The following MAGI2 variants were observed in gnomAD, a reference collection of about 807,000 sequenced individuals.
MAGI2 encodes membrane associated guanylate kinase, WW and PDZ domain containing 2.
A neutral mutation model predicts 133.3 loss-of-function variants in MAGI2; 35 were observed. The ratio of observed to expected loss-of-function variants is 0.26; its 90% CI spans 0.20 to 0.35. The LOEUF (loss-of-function observed/expected upper bound fraction) is 0.35. Among genes scored for constraint, MAGI2 ranks in the 10% least tolerant of loss-of-function variants. MAGI2 has a pLI of 1.00. For synonymous variants in MAGI2, 729 were observed against 710.6 expected (o/e 1.03, Z -0.41); for missense variants, 1,636 against 1,863.4 (o/e 0.88, Z 2.25).
chr7:79,293,436 T>C (rs373105992), intron 1 of MAGI2, among the ~76,000 whole-genome samples: 1 of 152,214 alleles, frequency 6.6e-6, no homozygotes, highest in South Asian at 2.1e-4. Context: ...TCTTGAACAA[T>C]GCTTCACACA....
In MAGI2 at chr7:78,146,494, C is replaced by T. The variant is rs114941221; in HGVS notation, c.2846-11288G>A. Among the ~76,000 whole-genome samples, 718 of 152,188 alleles carry T rather than the reference C, an allele frequency of 4.7e-3. 7 individuals carry two copies. The highest frequency in any genetic ancestry group is 0.016 in the African/African-American group (660 of 41,538). ...AAAAATTAAAGTTTTATGTACCCAACGTTTAAAAGCCCTGTTGTCACTTGT... is the reference window on the plus strand; with the variant it reads ...AAAAATTAAAGTTTTATGTACCCAATGTTTAAAAGCCCTGTTGTCACTTGT... On this transcript the variant is annotated intron_variant, in intron 16 of 21. Coordinates refer to ENST00000354212, the MANE Select transcript of MAGI2 (RefSeq NM_012301.4).
chr7:78,428,150 C>T (rs538560204), intron 6 of MAGI2, among the ~76,000 whole-genome samples: 6 of 152,100 alleles, frequency 3.9e-5, no homozygotes, highest in Admixed American at 2.6e-4. Context: ...GTACTTCAGG[C>T]GAGGACAGAA....
intron 2 of MAGI2, among the ~76,000 whole-genome samples, chr7:78,830,307 C>A (rs73369465): frequency 0.064 from 9,749 of 152,160 alleles, 473 homozygotes; most frequent in African/African-American, 0.14. Context: ...ATGTCTCTTA[C>A]TCATGACCAC....
intron 1 of MAGI2, among the ~76,000 whole-genome samples, chr7:79,175,688 A>C (rs983914288): frequency 6.6e-6 from 1 of 152,066 alleles, no homozygotes; most frequent in African/African-American, 2.4e-5. Context: ...AGGATAGCCT[A>C]TTGCTCCTAA....
At chr7:79,129,628 G>A (rs960718035) in intron 1 of MAGI2, among the ~76,000 whole-genome samples, 1 of 152,122 alleles carries the variant, frequency 6.6e-6, no homozygotes, top group Non-Finnish European at 1.5e-5. Context: ...TATAATGATA[G>A]CCATTTCAAT....
At chr7:78,325,759 T>C (rs941933446) in intron 9 of MAGI2, among the ~76,000 whole-genome samples, 1 of 152,092 alleles carries the variant, frequency 6.6e-6, no homozygotes, top group Non-Finnish European at 1.5e-5. Context: ...CCAACCCAAG[T>C]GGAAGCCACA....
At chr7:78,627,056 A>T in intron 3 of MAGI2, 64 bp downstream of exon 3, 4 of 1,494,506 alleles carry the variant, frequency 2.7e-6, no homozygotes, top group Non-Finnish European at 3.6e-6. Flanking sequence ...GTCCCCGTGC[A>T]TTTCCATCGA....
chr7:79,117,816 T>G (rs1012228215), intron 1 of MAGI2, among the ~76,000 whole-genome samples: 1 of 152,216 alleles, frequency 6.6e-6, no homozygotes, highest in Non-Finnish European at 1.5e-5. Flanking sequence ...TACTATAATG[T>G]ACAGAGAGTA....
At chr7:78,794,427 T>G (rs1787427445) in intron 2 of MAGI2, among the ~76,000 whole-genome samples, 2 of 152,220 alleles carry the variant, frequency 1.3e-5, no homozygotes, top group African/African-American at 4.8e-5. Context: ...TATAAAATTG[T>G]CAATGGAAAT....
At chr7:78,493,190 G>A (rs918213662) in intron 5 of MAGI2, among the ~76,000 whole-genome samples, 2 of 152,146 alleles carry the variant, frequency 1.3e-5, no homozygotes, top group Non-Finnish European at 1.5e-5. Flanking sequence ...TATCAGAATG[G>A]CCTTGAAAAT....
At chr7:78,067,265 C>A (rs1009957828) in intron 21 of MAGI2, among the ~76,000 whole-genome samples, 3 of 152,144 alleles carry the variant, frequency 2.0e-5, no homozygotes, top group Non-Finnish European at 4.4e-5. Context: ...TTAAACATGG[C>A]CTTTACTGGG....
rs376084571 is a variant in MAGI2, at chr7:79,179,572, T to A, written c.302-172366A>T. On this transcript the variant is annotated intron_variant, in intron 1 of 21. Coordinates refer to ENST00000354212, the MANE Select transcript of MAGI2 (RefSeq NM_012301.4). Reference sequence around the variant, plus strand: ...AAACAGCATGGTATTTCTATAAAAATAGATATATGGACCAATGGAACAGAA... The same window carrying A: ...AAACAGCATGGTATTTCTATAAAAAAAGATATATGGACCAATGGAACAGAA... Among the ~76,000 whole-genome samples, 6 of 152,064 alleles carry A rather than the reference T, an allele frequency of 3.9e-5. No individual in the cohort carries two copies. The East Asian group carries it at 1.2e-3, about 29-fold the overall frequency.
At chr7:78,798,417 G>T (rs1390622613) in intron 2 of MAGI2, among the ~76,000 whole-genome samples, 1 of 152,100 alleles carries the variant, frequency 6.6e-6, no homozygotes, top group Non-Finnish European at 1.5e-5. Flanking sequence ...AATGAAATGG[G>T]TTGGTTTGTC....
At chr7:78,600,929 T>G (rs879432357) in intron 3 of MAGI2, among the ~76,000 whole-genome samples, 2 of 152,154 alleles carry the variant, frequency 1.3e-5, no homozygotes, top group Non-Finnish European at 2.9e-5. Flanking sequence ...AAGGAGAATG[T>G]GGGTTGGTGA....
chr7:79,200,616 A>C (rs1054471205), intron 1 of MAGI2, among the ~76,000 whole-genome samples: 2 of 151,642 alleles, frequency 1.3e-5, no homozygotes, highest in Non-Finnish European at 2.9e-5. Context: ...ATCTCAAAAA[A>C]AAAAAAAAGT....
intron 1 of MAGI2, among the ~76,000 whole-genome samples, chr7:79,023,531 G>C (rs563675011): frequency 1.8e-4 from 28 of 152,212 alleles, no homozygotes; most frequent in Admixed American, 1.1e-3. Context: ...AATAGAAAGA[G>C]AGGAAACCAA....
chr7:78,703,664 G>A (rs1020402982), intron 2 of MAGI2, among the ~76,000 whole-genome samples: 3 of 151,972 alleles, frequency 2.0e-5, no homozygotes, highest in Admixed American at 6.6e-5. Context: ...TAAAACAAAT[G>A]CATAAACTCT....
chr7:79,250,262 T>G (rs1833142706), intron 1 of MAGI2, among the ~76,000 whole-genome samples: 1 of 151,820 alleles, frequency 6.6e-6, no homozygotes, highest in Admixed American at 6.6e-5. Flanking sequence ...TTCATCACTT[T>G]TATTCAACAT....
intron 3 of MAGI2, among the ~76,000 whole-genome samples, chr7:78,594,364 A>G (rs1804364018): frequency 6.6e-6 from 1 of 152,232 alleles, no homozygotes; most frequent in Admixed American, 6.5e-5. Flanking sequence ...CAGTGACTTT[A>G]TACAAAGGCT....
Sources: gnomAD v4.1 joint callset for allele counts (sites outside exome capture counted in the v4.1 genomes callset) on GRCh38, gnomAD v4.1.1 for gene constraint, MANE v1.5 for transcripts, NCBI Gene and HGNC (gene_info 2026-07-23, HGNC 2026-07-21) for gene names.